The following NPLOC4 variants were observed in gnomAD, a reference collection of about 807,000 sequenced individuals.
NPLOC4 encodes NPL4 homolog, ubiquitin recognition factor, also known as nuclear protein localization protein 4 homolog.
NPLOC4 carries 18 observed loss-of-function variants against 80.6 expected under a neutral mutation model. That is an observed-to-expected ratio of 0.22 (90% CI 0.15 to 0.33). The LOEUF (loss-of-function observed/expected upper bound fraction) is 0.33. Ranked by LOEUF, NPLOC4 falls within the 10% of genes least tolerant of loss-of-function variation. The pLI is 1.00. For missense variants in NPLOC4, 540 were observed against 786.1 expected, an observed-to-expected ratio of 0.69 and a Z score of 3.74; for synonymous variants, 313 against 301.5, an observed-to-expected ratio of 1.04 and a Z score of -0.39.
At chr17:81,594,814 C>T (rs557250922) in intron 11 of NPLOC4, among the ~76,000 whole-genome samples, 4 of 151,700 alleles carry the variant, frequency 2.6e-5, no homozygotes, top group Admixed American at 1.3e-4. Flanking sequence ...GGCGTGGTGG[C>T]GCACGCGTGT....
intron 4 of NPLOC4, among the ~76,000 whole-genome samples, chr17:81,611,258 T>C (rs922180870): frequency 2.0e-5 from 3 of 151,972 alleles, no homozygotes; most frequent in Non-Finnish European, 4.4e-5. Flanking sequence ...AGGCAAAGGT[T>C]GCGATGAGCT....
At position 81,636,943 on chromosome 17, in the gene NPLOC4, T is replaced by C. The variant is rs992608072; in HGVS notation, c.-13A>G. On this transcript the variant is annotated 5_prime_UTR_variant, in exon 1 of 17. Coordinates refer to ENST00000331134, the MANE Select transcript of NPLOC4 (RefSeq NM_017921.4). Reference sequence around the variant, plus strand: ...TGCTCTCGGCCATGGCGGCTGCTCCTGCCTCCGGGCTCGAGCCCCGGGCCG... The same window carrying C: ...TGCTCTCGGCCATGGCGGCTGCTCCCGCCTCCGGGCTCGAGCCCCGGGCCG... 5.2e-5 allele frequency: 70 copies of C among 1,355,040 alleles called. No individual in the cohort carries two copies. The African/African-American group carries it at 9.6e-4, about 19-fold the overall frequency. 83.9% of individuals were successfully genotyped at this position (1,355,040 alleles called of 1,614,324 possible). A position where few individuals can be genotyped will look rare whatever the true frequency, so the allele number is the denominator to read the frequency against.
intron 16 of NPLOC4, chr17:81,564,963 G>A (rs2033965778): frequency 3.3e-6 from 1 of 302,426 alleles, no homozygotes; most frequent in Admixed American, 5.1e-5. Flanking sequence ...GGTGCGTGAG[G>A]AGTCCCTGCA....
At chr17:81,601,909 A>C (rs1159630877) in intron 8 of NPLOC4, among the ~76,000 whole-genome samples, 2 of 152,200 alleles carry the variant, frequency 1.3e-5, no homozygotes, top group Admixed American at 1.3e-4. Context: ...TCTGATCAGC[A>C]AACTCTGAAA....
At chr17:81,619,215 A>C (rs1336052021) in intron 3 of NPLOC4, among the ~76,000 whole-genome samples, 1 of 151,854 alleles carries the variant, frequency 6.6e-6, no homozygotes, top group Non-Finnish European at 1.5e-5. Flanking sequence ...AAAAAAAAAA[A>C]AAACACAAAA....
At chr17:81,559,876 G>A (rs2033795171) in intron 16 of NPLOC4, among the ~76,000 whole-genome samples, 1 of 151,874 alleles carries the variant, frequency 6.6e-6, no homozygotes, top group Non-Finnish European at 1.5e-5. Flanking sequence ...GGGATTACAG[G>A]CATGAACCAC....
intron 1 of NPLOC4, among the ~76,000 whole-genome samples, chr17:81,631,547 T>C (rs1382598709): frequency 2.6e-5 from 4 of 151,402 alleles, no homozygotes; most frequent in African/African-American, 9.7e-5. Flanking sequence ...TTGATGTTTA[T>C]GCTGATGAAA....
intron 3 of NPLOC4, among the ~76,000 whole-genome samples, chr17:81,619,082 C>A (rs2035589319): frequency 2.0e-5 from 3 of 152,082 alleles, no homozygotes; most frequent in African/African-American, 7.2e-5. Context: ...GCCGCAGGGT[C>A]CTCTGCCTAG....
intron 12 of NPLOC4, among the ~76,000 whole-genome samples, chr17:81,576,674 A>T (rs1052728425): frequency 3.9e-5 from 6 of 152,210 alleles, no homozygotes; most frequent in African/African-American, 1.4e-4. Flanking sequence ...CACACGACAA[A>T]GGGTTAATAT....
chr17:81,559,851 G>T (rs931366303), intron 16 of NPLOC4, among the ~76,000 whole-genome samples: 8 of 148,934 alleles, frequency 5.4e-5, no homozygotes, highest in Non-Finnish European at 7.4e-5. Context: ...TCCTGCCTCA[G>T]CCTCCCAAGT....
chr17:81,596,266 CA>C (rs1191255631), intron 10 of NPLOC4, 24 bp from the exon 11 acceptor site: 2 of 1,590,684 alleles, frequency 1.3e-6, no homozygotes, highest in African/African-American at 2.7e-5. Context: ...AGCAGCCTAT[CA>C]AATTTTACAG....
intron 11 of NPLOC4, among the ~76,000 whole-genome samples, chr17:81,591,913 G>A (rs955888142): frequency 4.6e-5 from 7 of 152,228 alleles, no homozygotes; most frequent in Non-Finnish European, 8.8e-5. Context: ...TGTAGAGTAT[G>A]CTAGACTATG....
intron 3 of NPLOC4, among the ~76,000 whole-genome samples, chr17:81,619,679 G>C (rs1167867942): frequency 6.6e-6 from 1 of 151,974 alleles, no homozygotes; most frequent in African/African-American, 2.4e-5. Context: ...AAGAGATTGA[G>C]ATCAGCCTGG....
At chr17:81,573,716 T>C (rs1423689348) in intron 12 of NPLOC4, 2 of 152,240 alleles carry the variant, frequency 1.3e-5, no homozygotes, top group Non-Finnish European at 2.9e-5. Flanking sequence ...AGAACTTGCC[T>C]CTACCCTCCC....
rs868354024 is a variant in NPLOC4 at position 81,582,755 on chromosome 17, C to T, written c.1281+6189G>A. 2.0e-5 allele frequency among the ~76,000 whole-genome samples: 3 copies of T among 152,346 alleles called. No individual in the cohort carries two copies. The South Asian group carries it at 6.2e-4, about 32-fold the overall frequency. On this transcript the variant is annotated intron_variant, in intron 12 of 16. Coordinates refer to ENST00000331134, the MANE Select transcript of NPLOC4 (RefSeq NM_017921.4). ...CAGAAGACAGTCAAGCGCCTCCTGG[C>T]TGTACAACAGTCTACGAGTGTGAGT... is the stretch of plus-strand genomic sequence containing the variant.
intron 3 of NPLOC4, among the ~76,000 whole-genome samples, chr17:81,617,981 T>G (rs1170671965): frequency 3.9e-5 from 6 of 152,106 alleles, no homozygotes; most frequent in African/African-American, 1.4e-4. Context: ...CAGGCTGGAG[T>G]GCAGTGGCGT....
intron 3 of NPLOC4, among the ~76,000 whole-genome samples, chr17:81,621,856 C>G (rs1046040585): frequency 6.6e-6 from 1 of 152,206 alleles, no homozygotes; most frequent in Non-Finnish European, 1.5e-5. Context: ...TGTTCAAGGT[C>G]TTTCACTCCA....
chr17:81,615,848 CAA>C (rs1043423311), intron 3 of NPLOC4, among the ~76,000 whole-genome samples: 6 of 152,220 alleles, frequency 3.9e-5, no homozygotes, highest in East Asian at 3.8e-4. Flanking sequence ...AAAAAACCAA[CAA>C]AGTCACCTCT....
intron 16 of NPLOC4, chr17:81,562,624 G>C (rs1177943891): frequency 6.6e-6 from 1 of 152,168 alleles, no homozygotes; most frequent in Non-Finnish European, 1.5e-5. Flanking sequence ...TGAGATACCA[G>C]TCAGAACTTA....
Sources: gnomAD v4.1 joint callset for allele counts (sites outside exome capture counted in the v4.1 genomes callset) on GRCh38, gnomAD v4.1.1 for gene constraint, MANE v1.5 for transcripts, NCBI Gene and HGNC (gene_info 2026-07-23, HGNC 2026-07-21) for gene names.